The following C11orf96 variants were observed in gnomAD, a reference collection of about 807,000 sequenced individuals.
C11orf96 encodes chromosome 11 open reading frame 96.
Under a neutral mutation model 7.6 loss-of-function variants are expected in C11orf96, and 6 were observed. That is an observed-to-expected ratio of 0.79 (90% confidence interval 0.43 to 1.55). The LOEUF (loss-of-function observed/expected upper bound fraction) is 1.55, where lower values mean the gene tolerates loss of function less well. Among genes scored for constraint, C11orf96 ranks in the 40% most tolerant of loss-of-function variants. The pLI is 0.01. For synonymous variants in C11orf96, 72 were observed against 79.0 expected (o/e 0.91, Z 0.47); for missense variants, 150 against 167.3 (o/e 0.90, Z 0.57).
Position 43,942,875 on chromosome 11 carries a change from C to G in C11orf96, c.-30C>G. Reference sequence around the variant, plus strand: ...GCCCTCGGAGAGCCCCGGCGCCCCGCCGCCCGGCCCCGCAGACGCCGGAGG... The same window carrying G: ...GCCCTCGGAGAGCCCCGGCGCCCCGGCGCCCGGCCCCGCAGACGCCGGAGG... On this transcript the variant is annotated 5_prime_UTR_variant, in exon 1 of 1. Coordinates refer to ENST00000617612, the MANE Select transcript of C11orf96 (RefSeq NM_001145033.2). 7.9e-7 allele frequency: 1 copy of G among 1,268,754 alleles called. No individual in the cohort carries two copies. The highest frequency in any genetic ancestry group is 3.2e-5 in the East Asian group (1 of 30,816). 78.6% of individuals were successfully genotyped at this position (1,268,754 alleles called of 1,614,324 possible).
rs1023755825 is a variant in C11orf96, at chr11:43,943,544, A to T, written c.*271A>T. The T allele has an allele frequency of 3.0e-6, 4 of 1,321,430 alleles. No individual in the cohort carries two copies. In the African/African-American group the frequency reaches 6.0e-5, roughly 20 times the overall value. 81.9% of individuals were successfully genotyped at this position (1,321,430 alleles called of 1,614,324 possible). ...TCTTCCCAGTGCGAACTCTGCTGTG[A>T]GTGTGTGCGGGGAGGCGCGCCCGCG... On this transcript the variant is annotated 3_prime_UTR_variant, in exon 1 of 1. Transcript: ENST00000617612. This position sits in a 1 kb window ranked among gnomAD's most constrained non-coding sequence, Gnocchi z 4.8.
chr11:43,942,860 A>T lies in C11orf96; in HGVS notation c.-45A>T, dbSNP rs1236524326. 16 of 1,220,720 alleles carry T rather than the reference A, an allele frequency of 1.3e-5. No homozygotes were observed. In the Admixed American group the frequency reaches 3.5e-4, roughly 27 times the overall value. 75.6% of individuals were successfully genotyped at this position (1,220,720 alleles called of 1,614,324 possible). On this transcript the variant is annotated 5_prime_UTR_variant, in exon 1 of 1. Transcript: ENST00000617612. ...CCCGGCGCAGCGGCCGCCCTCGGAG[A>T]GCCCCGGCGCCCCGCCGCCCGGCCC...
In C11orf96 at chr11:43,943,203, A is replaced by G. The variant is rs534252451; in HGVS notation, c.299A>G (p.Gln100Arg). Residue 100 changes from glutamine (Q) to arginine (R), a missense_variant, in exon 1 of 1, where the codon CAG becomes CGG. Gln to Arg is a conservative substitution (Grantham distance 43). This residue lies in a region of C11orf96 where 69 missense variants were observed against 69.1 expected (regional missense o/e 1.00). Transcript: ENST00000617612. This position sits in a 1 kb window ranked among gnomAD's most constrained non-coding sequence, Gnocchi z 4.8. ...LRRSTQSLSL[Q>R]REQLSSCKLR... ...CGCAGCACGCAGAGCCTGTCGCTGCAGCGGGAGCAGCTCAGCAGCTGCAAA... is the reference window on the plus strand; with the variant it reads ...CGCAGCACGCAGAGCCTGTCGCTGCGGCGGGAGCAGCTCAGCAGCTGCAAA... The G allele has an allele frequency of 6.6e-7, 1 of 1,523,008 alleles. No individual in the cohort carries two copies. The highest frequency in any genetic ancestry group is 1.4e-5 in the African/African-American group (1 of 70,426). 94.3% of individuals were successfully genotyped at this position (1,523,008 alleles called of 1,614,324 possible).
rs930261949 is a variant in C11orf96, at chr11:43,943,193, C to T, written c.289C>T (p.Leu97=). The T allele has an allele frequency of 1.3e-6, 2 of 1,520,000 alleles. No homozygotes were observed. The highest frequency in any genetic ancestry group is 1.8e-6 in the Non-Finnish European group (2 of 1,134,020). 94.2% of individuals were successfully genotyped at this position (1,520,000 alleles called of 1,614,324 possible). Reference sequence around the variant, plus strand: ...GTGCCTGCGCCGCAGCACGCAGAGCCTGTCGCTGCAGCGGGAGCAGCTCAG... The same window carrying T: ...GTGCCTGCGCCGCAGCACGCAGAGCTTGTCGCTGCAGCGGGAGCAGCTCAG... ...LECLRRSTQS[L]SLQREQLSSC... The change falls in exon 1 of 1, where the codon CTG becomes TTG. Residue 97 remains leucine, a synonymous_variant. Coordinates refer to ENST00000617612, the MANE Select transcript of C11orf96 (RefSeq NM_001145033.2). The surrounding 1 kb of genome is among the most constrained non-coding windows in gnomAD (Gnocchi z 4.8).
Position 43,943,072 on chromosome 11 carries a change from G to C in C11orf96, c.168G>C (p.Gln56His). The part of the protein sequence containing the change: ...RRPRQSRFKT[Q>H]PVTFDEIQEV... ...CGCGCCAGTCTCGCTTCAAGACGCAGCCGGTGACCTTCGACGAGATCCAGG... is the reference window on the plus strand; with the variant it reads ...CGCGCCAGTCTCGCTTCAAGACGCACCCGGTGACCTTCGACGAGATCCAGG... Residue 56 changes from glutamine to histidine, a missense_variant, in exon 1 of 1, where the codon CAG (glutamine) becomes CAC (histidine). Physicochemically the swap from Gln to His is conservative, Grantham distance 24 (BLOSUM62 0). Coordinates refer to ENST00000617612, the MANE Select transcript of C11orf96 (RefSeq NM_001145033.2). The surrounding 1 kb of genome is among the most constrained non-coding windows in gnomAD (Gnocchi z 4.8). The C allele has an allele frequency of 6.6e-7, 1 of 1,505,248 alleles. No individual in the cohort carries two copies. The highest frequency in any genetic ancestry group is 2.8e-5 in the East Asian group (1 of 36,274). 93.2% of individuals were successfully genotyped at this position (1,505,248 alleles called of 1,614,324 possible).
chr11:43,943,728 CT>C lies in C11orf96; in HGVS notation c.*458del. On this transcript the variant is annotated 3_prime_UTR_variant, in exon 1 of 1. Coordinates refer to ENST00000617612, the MANE Select transcript of C11orf96 (RefSeq NM_001145033.2). The surrounding 1 kb of genome is among the most constrained non-coding windows in gnomAD (Gnocchi z 4.8). The stretch of plus-strand genomic sequence containing the variant: ...TAATTGTTAGGCGTGGCCGTTGGGA[CT>C]TTGGGCGCAGCGCGGCTGCTACTGC... The C allele has an allele frequency of 7.7e-7, 1 of 1,304,414 alleles. No homozygotes were observed. Among genetic ancestry groups the C allele is most frequent in the South Asian group, 1.2e-5 (1 of 81,034 alleles). The allele number at this position is 1,304,414 out of a possible 1,614,324, so 80.8% of individuals were successfully genotyped here.
chr11:43,942,919 C>T lies in C11orf96; in HGVS notation c.15C>T (p.Pro5=). The change falls in exon 1 of 1, where the codon CCC becomes CCT. Residue 5 remains proline, a synonymous_variant. Coordinates refer to ENST00000617612, the MANE Select transcript of C11orf96 (RefSeq NM_001145033.2). Reference sequence around the variant, plus strand: ...CCGGAGGCGCCATGGCCGCCAAGCCCGGCGAGCTGATGGGCATCTGCTCCA... The same window carrying T: ...CCGGAGGCGCCATGGCCGCCAAGCCTGGCGAGCTGATGGGCATCTGCTCCA... MAAK[P]GELMGICSSY... 2.1e-6 allele frequency: 3 copies of T among 1,411,412 alleles called. No homozygotes were observed. The highest frequency in any genetic ancestry group is 2.8e-6 in the Non-Finnish European group (3 of 1,083,336). The allele number at this position is 1,411,412 out of a possible 1,614,324, so 87.4% of individuals were successfully genotyped here. A position where few individuals can be genotyped will look rare whatever the true frequency, so the allele number is the denominator to read the frequency against.
chr11:43,943,692 G>C lies in C11orf96; in HGVS notation c.*419G>C, dbSNP rs1952131416. 7.7e-7 allele frequency: 1 copy of C among 1,304,426 alleles called. No individual in the cohort carries two copies. The highest frequency in any genetic ancestry group is 1.0e-6 in the Non-Finnish European group (1 of 989,150). The allele number at this position is 1,304,426 out of a possible 1,614,324, so 80.8% of individuals were successfully genotyped here. Reference sequence around the variant, plus strand: ...TCACACTCACGCCAACACTCTCGCTGAACACTTTTATAATTGTTAGGCGTG... The same window carrying C: ...TCACACTCACGCCAACACTCTCGCTCAACACTTTTATAATTGTTAGGCGTG... On this transcript the variant is annotated 3_prime_UTR_variant, in exon 1 of 1. Transcript: ENST00000617612. This position sits in a 1 kb window ranked among gnomAD's most constrained non-coding sequence, Gnocchi z 4.8.
rs957665641 is a variant in C11orf96 at position 43,943,362 on chromosome 11, G to T, written c.*89G>T. 5 of 1,388,826 alleles carry T rather than the reference G, an allele frequency of 3.6e-6. No individual in the cohort carries two copies. The East Asian group carries it at 1.2e-4, about 34-fold the overall frequency. 86.0% of individuals were successfully genotyped at this position (1,388,826 alleles called of 1,614,324 possible). ...CCGAGAGTGCCCGCGCCCTGCTCCCGGGGGACCCGCAAGGACCCGGGACCG... is the reference window on the plus strand; with the variant it reads ...CCGAGAGTGCCCGCGCCCTGCTCCCTGGGGACCCGCAAGGACCCGGGACCG... On this transcript the variant is annotated 3_prime_UTR_variant, in exon 1 of 1. Coordinates refer to ENST00000617612, the MANE Select transcript of C11orf96 (RefSeq NM_001145033.2). This position sits in a 1 kb window ranked among gnomAD's most constrained non-coding sequence, Gnocchi z 4.8.
Position 43,943,291 on chromosome 11 carries a change from G to T in C11orf96, c.*18G>T, listed in dbSNP as rs1322388025. 1 of 1,472,800 alleles carries T rather than the reference G, an allele frequency of 6.8e-7. No individual in the cohort carries two copies. The highest frequency in any genetic ancestry group is 9.0e-7 in the Non-Finnish European group (1 of 1,116,528). 91.2% of individuals were successfully genotyped at this position (1,472,800 alleles called of 1,614,324 possible). A position where few individuals can be genotyped will look rare whatever the true frequency, so the allele number is the denominator to read the frequency against. On this transcript the variant is annotated 3_prime_UTR_variant, in exon 1 of 1. Transcript: ENST00000617612. The surrounding 1 kb of genome is among the most constrained non-coding windows in gnomAD (Gnocchi z 4.8). ...CCCTGTAAGGGGCGCCGCCCGCGGG[G>T]GGGACGCGCGCGTCCGCGGTCCGCG...
chr11:43,942,783 C>T lies in C11orf96; in HGVS notation c.-122C>T. ...CGCGAGGGCCGCCGCCACCCCGCAG[C>T]AGATTTGGATCCCCCGCCCGGCGAG... On this transcript the variant is annotated 5_prime_UTR_variant, in exon 1 of 1. Transcript: ENST00000617612. The T allele has an allele frequency of 1.8e-6, 1 of 549,430 alleles. No homozygotes were observed. 34.0% of individuals were successfully genotyped at this position (549,430 alleles called of 1,614,324 possible).
chr11:43,942,831 G>T lies in C11orf96; in HGVS notation c.-74G>T, dbSNP rs1053957952. On this transcript the variant is annotated 5_prime_UTR_variant, in exon 1 of 1. Coordinates refer to ENST00000617612, the MANE Select transcript of C11orf96 (RefSeq NM_001145033.2). ...GAGCCCCCGGCTGCTGCCTCCCGGG[G>T]GGCCCCGGCGCAGCGGCCGCCCTCG... The T allele has an allele frequency of 1.8e-6, 2 of 1,111,540 alleles. No homozygotes were observed. Among genetic ancestry groups the T allele is most frequent in the Middle Eastern group, 3.7e-4 (1 of 2,686 alleles). The allele number at this position is 1,111,540 out of a possible 1,614,324, so 68.9% of individuals were successfully genotyped here.
rs916330480 is a variant in C11orf96, at chr11:43,943,101, TGGA to T, written c.206_208del (p.Glu69del). 6 of 1,491,656 alleles carry T rather than the reference TGGA, an allele frequency of 4.0e-6. No homozygotes were observed. The highest frequency in any genetic ancestry group is 4.7e-5 in the Admixed American group (2 of 42,866). 92.4% of individuals were successfully genotyped at this position (1,491,656 alleles called of 1,614,324 possible). A position where few individuals can be genotyped will look rare whatever the true frequency, so the allele number is the denominator to read the frequency against. On this transcript the variant is annotated inframe_deletion, in exon 1 of 1. Coordinates refer to ENST00000617612, the MANE Select transcript of C11orf96 (RefSeq NM_001145033.2). This position sits in a 1 kb window ranked among gnomAD's most constrained non-coding sequence, Gnocchi z 4.8. ...GTGACCTTCGACGAGATCCAGGAGG[TGGA>T]GGAGGAGGGGGTGTCCCCCATGGAG...
At position 43,942,689 on chromosome 11, in the gene C11orf96, C is replaced by A; in HGVS notation, c.-216C>A. 5.8e-6 allele frequency: 1 copy of A among 173,882 alleles called. No homozygotes were observed. Among genetic ancestry groups the A allele is most frequent in the South Asian group, 1.1e-4 (1 of 8,908 alleles). The allele number at this position is 173,882 out of a possible 1,614,324, so 10.8% of individuals were successfully genotyped here. A position where few individuals can be genotyped will look rare whatever the true frequency, so the allele number is the denominator to read the frequency against. ...CCTCGGAGCGCGGCGGAACAGCGCCCCCCGAGCCCCGTGCCCCCCGACGGG... is the reference window on the plus strand; with the variant it reads ...CCTCGGAGCGCGGCGGAACAGCGCCACCCGAGCCCCGTGCCCCCCGACGGG... On this transcript the variant is annotated 5_prime_UTR_variant, in exon 1 of 1. Coordinates refer to ENST00000617612, the MANE Select transcript of C11orf96 (RefSeq NM_001145033.2).
Position 43,943,100 on chromosome 11 carries a change from GTGGAGGAGGAGGGGGTGTCCCCCA to G in C11orf96, c.208_231del (p.Gly70_Glu77del). ...GGTGACCTTCGACGAGATCCAGGAG[GTGGAGGAGGAGGGGGTGTCCCCCA>G]TGGAGGAGGAGAAGGCCAAGAAGTC... is the stretch of plus-strand genomic sequence containing the variant. On this transcript the variant is annotated inframe_deletion, in exon 1 of 1. Transcript: ENST00000617612. The surrounding 1 kb of genome is among the most constrained non-coding windows in gnomAD (Gnocchi z 4.8). 6.7e-7 allele frequency: 1 copy of G among 1,501,640 alleles called. No homozygotes were observed. The highest frequency in any genetic ancestry group is 8.9e-7 in the Non-Finnish European group (1 of 1,124,618). The allele number at this position is 1,501,640 out of a possible 1,614,324, so 93.0% of individuals were successfully genotyped here.
chr11:43,943,819 T>C lies in C11orf96; in HGVS notation c.*546T>C. On this transcript the variant is annotated 3_prime_UTR_variant, in exon 1 of 1. Transcript: ENST00000617612. The surrounding 1 kb of genome is among the most constrained non-coding windows in gnomAD (Gnocchi z 4.8). ...GAAGGCATTTATTTAACGATCTTTTTACCTGGATATGTCTGTGAGGCTCCT... is the reference window on the plus strand; with the variant it reads ...GAAGGCATTTATTTAACGATCTTTTCACCTGGATATGTCTGTGAGGCTCCT... 4.6e-6 allele frequency: 6 copies of C among 1,302,104 alleles called. No homozygotes were observed. The highest frequency in any genetic ancestry group is 6.1e-6 in the Non-Finnish European group (6 of 987,498). 80.7% of individuals were successfully genotyped at this position (1,302,104 alleles called of 1,614,324 possible).
At position 43,943,045 on chromosome 11, in the gene C11orf96, G is replaced by A. The variant is rs568022722; in HGVS notation, c.141G>A (p.Arg47=). ...KLPKGRGRLR[R]PRQSRFKTQP... is the part of the protein sequence containing the mutation. ...CCAAGGGCCGGGGCCGGCTGCGGCG[G>A]CCGCGCCAGTCTCGCTTCAAGACGC... The change falls in exon 1 of 1, where the codon CGG becomes CGA. Residue 47 remains arginine (R), a synonymous_variant. Coordinates refer to ENST00000617612, the MANE Select transcript of C11orf96 (RefSeq NM_001145033.2). This position sits in a 1 kb window ranked among gnomAD's most constrained non-coding sequence, Gnocchi z 4.8. 1.3e-6 allele frequency: 2 copies of A among 1,497,582 alleles called. No individual in the cohort carries two copies. The highest frequency in any genetic ancestry group is 1.4e-5 in the African/African-American group (1 of 69,206). 92.8% of individuals were successfully genotyped at this position (1,497,582 alleles called of 1,614,324 possible). A position where few individuals can be genotyped will look rare whatever the true frequency, so the allele number is the denominator to read the frequency against.
chr11:43,943,058 C>G lies in C11orf96; in HGVS notation c.154C>G (p.Arg52Gly). ...RGRLRRPRQSRFKTQPVTFDE... is the reference protein window; with the variant it reads ...RGRLRRPRQSGFKTQPVTFDE... Reference sequence around the variant, plus strand: ...CCGGCTGCGGCGGCCGCGCCAGTCTCGCTTCAAGACGCAGCCGGTGACCTT... The same window carrying G: ...CCGGCTGCGGCGGCCGCGCCAGTCTGGCTTCAAGACGCAGCCGGTGACCTT... Residue 52 changes from arginine to glycine, a missense_variant, in exon 1 of 1, where the codon CGC becomes GGC. By Grantham distance (125) the Arg-to-Gly change is moderately radical. Transcript: ENST00000617612. The surrounding 1 kb of genome is among the most constrained non-coding windows in gnomAD (Gnocchi z 4.8). The G allele has an allele frequency of 2.0e-6, 3 of 1,498,938 alleles. No individual in the cohort carries two copies. The highest frequency in any genetic ancestry group is 2.7e-6 in the Non-Finnish European group (3 of 1,123,808). 92.9% of individuals were successfully genotyped at this position (1,498,938 alleles called of 1,614,324 possible). A position where few individuals can be genotyped will look rare whatever the true frequency, so the allele number is the denominator to read the frequency against.
rs769522036 is a variant in C11orf96, at chr11:43,943,462, C to G, written c.*189C>G. ...GCCCCTCGCCGCGCTCGCCCTGGCC[C>G]GGGAGCGCCGGGAGCGGGGCCGCTT... On this transcript the variant is annotated 3_prime_UTR_variant, in exon 1 of 1. Transcript: ENST00000617612. This position sits in a 1 kb window ranked among gnomAD's most constrained non-coding sequence, Gnocchi z 4.8. 5 of 1,411,108 alleles carry G rather than the reference C, an allele frequency of 3.5e-6. No individual in the cohort carries two copies. The highest frequency in any genetic ancestry group is 2.1e-5 in the Admixed American group (1 of 46,866). The allele number at this position is 1,411,108 out of a possible 1,614,324, so 87.4% of individuals were successfully genotyped here.
Sources: gnomAD v4.1 joint callset for allele counts on GRCh38, gnomAD v4.1.1 for gene constraint, gnomAD v4.1.1 regional missense constraint, Gnocchi (gnomAD v3.1) non-coding constraint, MANE v1.5 for transcripts, NCBI Gene and HGNC (gene_info 2026-07-23, HGNC 2026-07-21) for gene names.